The following GRM1 variants were observed in gnomAD, a reference collection of about 807,000 sequenced individuals.
GRM1 encodes the protein glutamate metabotropic receptor 1.
Under a neutral mutation model 90.9 loss-of-function variants are expected in GRM1, and 33 were observed. The observed-to-expected ratio is 0.36, with a 90% CI of 0.28 to 0.49. The LOEUF is 0.49. Ranked by LOEUF, GRM1 falls within the 20% of genes least tolerant of loss-of-function variation. The pLI is 0.99. For missense variants in GRM1, 1,190 were observed against 1,534.3 expected (o/e 0.78, Z 3.75); for synonymous variants, 700 against 613.2 (o/e 1.14, Z -2.09).
At chr6:146,030,617 G>A (rs1790671920) in intron 1 of GRM1, among the ~76,000 whole-genome samples, 1 of 152,072 alleles carries the variant, frequency 6.6e-6, no homozygotes, top group African/African-American at 2.4e-5. Context: ...GTGAGTGATT[G>A]GCAAAAAGAA....
At chr6:146,161,382 G>A (rs1348301751) in intron 2 of GRM1, among the ~76,000 whole-genome samples, 1 of 152,136 alleles carries the variant, frequency 6.6e-6, no homozygotes, top group Non-Finnish European at 1.5e-5. Context: ...TTGTGAGCTG[G>A]ACAAGAATGA....
At chr6:146,428,478 C>T (rs961287876) in intron 7 of GRM1, among the ~76,000 whole-genome samples, 1 of 152,082 alleles carries the variant, frequency 6.6e-6, no homozygotes, top group Non-Finnish European at 1.5e-5. Flanking sequence ...GGGAAATTGG[C>T]AAATTAGAAA....
intron 7 of GRM1, chr6:146,426,731 T>C: frequency 4.3e-6 from 3 of 696,552 alleles, no homozygotes; most frequent in South Asian, 1.6e-5. Flanking sequence ...GAAACAGATG[T>C]GGTGCATGCC....
At chr6:146,292,329 A>T (rs1473063765) in intron 2 of GRM1, among the ~76,000 whole-genome samples, 1 of 152,046 alleles carries the variant, frequency 6.6e-6, no homozygotes, top group African/African-American at 2.4e-5. Context: ...ACATGAAAAG[A>T]CATTATCAAG....
intron 7 of GRM1, among the ~76,000 whole-genome samples, chr6:146,422,072 T>G (rs150456937): frequency 0.017 from 2,629 of 152,278 alleles, 72 homozygotes; most frequent in African/African-American, 0.059. Context: ...TGCTGCATTA[T>G]TATTTCCATG....
At chr6:146,396,394 G>A (rs900007889) in intron 6 of GRM1, among the ~76,000 whole-genome samples, 20 of 152,096 alleles carry the variant, frequency 1.3e-4, no homozygotes, top group Admixed American at 4.6e-4. Context: ...TTGACAACAC[G>A]GGAAGTATTC....
intron 7 of GRM1, among the ~76,000 whole-genome samples, chr6:146,420,349 G>A (rs567345739): frequency 6.6e-6 from 1 of 152,266 alleles, no homozygotes; most frequent in South Asian, 2.1e-4. Flanking sequence ...TAAAAAGCAG[G>A]GAACGTAAAG....
At chr6:146,197,039 G>C (rs1779146939) in intron 2 of GRM1, among the ~76,000 whole-genome samples, 1 of 152,200 alleles carries the variant, frequency 6.6e-6, no homozygotes. Context: ...TGATAAATAA[G>C]TAGGCAAGCT....
intron 1 of GRM1, among the ~76,000 whole-genome samples, chr6:146,039,176 C>T (rs1791005892): frequency 6.6e-6 from 1 of 151,928 alleles, no homozygotes; most frequent in South Asian, 2.1e-4. Context: ...CTAAGTGCAA[C>T]CATAGGAGTA....
At chr6:146,335,665 C>T (rs1784748411) in intron 3 of GRM1, among the ~76,000 whole-genome samples, 1 of 152,098 alleles carries the variant, frequency 6.6e-6, no homozygotes, top group Non-Finnish European at 1.5e-5. Context: ...TTCCCAGGGC[C>T]CCCAAAATGG....
At chr6:146,158,439 G>A (rs1348518683) in intron 1 of GRM1, among the ~76,000 whole-genome samples, 1 of 149,634 alleles carries the variant, frequency 6.7e-6, no homozygotes, top group Non-Finnish European at 1.5e-5. Context: ...ACATTCAGAG[G>A]TATTAGAAAC....
intron 2 of GRM1, among the ~76,000 whole-genome samples, chr6:146,300,135 T>C (rs1783320778): frequency 6.6e-6 from 1 of 152,224 alleles, no homozygotes; most frequent in African/African-American, 2.4e-5. Flanking sequence ...TTTTAAAGAA[T>C]TATAATTTTA....
intron 1 of GRM1, among the ~76,000 whole-genome samples, chr6:146,134,646 A>G (rs1181695774): frequency 6.6e-6 from 1 of 152,046 alleles, no homozygotes; most frequent in Non-Finnish European, 1.5e-5. Context: ...AAAGAACAGC[A>G]TGGACCGGGT....
intron 1 of GRM1, among the ~76,000 whole-genome samples, chr6:146,084,590 T>C (rs1776479198): frequency 6.6e-6 from 1 of 152,218 alleles, no homozygotes; most frequent in Admixed American, 6.5e-5. Context: ...GATTGCCCTG[T>C]GGTCTGAGGG....
At chr6:146,122,416 T>C (rs1776025295) in intron 1 of GRM1, among the ~76,000 whole-genome samples, 1 of 152,172 alleles carries the variant, frequency 6.6e-6, no homozygotes, top group East Asian at 1.9e-4. Flanking sequence ...CCTATAAAAA[T>C]TTTATGAAGT....
At chr6:146,210,442 T>C (rs1779651970) in intron 2 of GRM1, among the ~76,000 whole-genome samples, 1 of 152,194 alleles carries the variant, frequency 6.6e-6, no homozygotes, top group African/African-American at 2.4e-5. Context: ...TTATTAAACA[T>C]TCTATGCCTT....
intron 2 of GRM1, among the ~76,000 whole-genome samples, chr6:146,205,648 C>T (rs991490397): frequency 2.6e-5 from 4 of 152,178 alleles, no homozygotes; most frequent in Non-Finnish European, 4.4e-5. Flanking sequence ...GATTTAAAAA[C>T]TCAATAACTA....
intron 1 of GRM1, among the ~76,000 whole-genome samples, chr6:146,143,631 T>C (rs1776979947): frequency 6.6e-6 from 1 of 152,218 alleles, no homozygotes; most frequent in Non-Finnish European, 1.5e-5. Flanking sequence ...GCAAGATACA[T>C]TTTAAGTGGC....
intron 1 of GRM1, among the ~76,000 whole-genome samples, chr6:146,102,096 C>G (rs918876261): frequency 2.0e-5 from 3 of 152,116 alleles, no homozygotes; most frequent in African/African-American, 7.2e-5. Flanking sequence ...ATCCACAGAT[C>G]TCGCTCGCCT....
Sources: gnomAD v4.1 joint callset for allele counts (sites outside exome capture counted in the v4.1 genomes callset) on GRCh38, gnomAD v4.1.1 for gene constraint, MANE v1.5 for transcripts, NCBI Gene and HGNC (gene_info 2026-07-23, HGNC 2026-07-21) for gene names.